Variants in MACROD2 observed in about 807,000 individuals in gnomAD.
MACROD2 encodes the protein ADP-ribose glycohydrolase MACROD2.
Under a neutral mutation model 70.4 loss-of-function variants are expected in MACROD2, and 36 were observed. That is an observed-to-expected ratio of 0.51 (90% CI 0.39 to 0.68). The LOEUF is 0.68. MACROD2 is among the 30% of genes least tolerant of loss of function. The pLI is 0.00. For synonymous variants in MACROD2, 172 were observed against 178.8 expected, an observed-to-expected ratio of 0.96 and a Z score of 0.30; for missense variants, 496 against 538.4, an observed-to-expected ratio of 0.92 and a Z score of 0.78.
intron 5 of MACROD2, among the ~76,000 whole-genome samples, chr20:15,195,489 A>G (rs928567180): frequency 6.6e-6 from 1 of 152,208 alleles, no homozygotes; most frequent in African/African-American, 2.4e-5. Context: ...AAAGTTCAAC[A>G]TGACTGGTCA....
intron 4 of MACROD2, among the ~76,000 whole-genome samples, chr20:14,598,357 A>G (rs78179450): frequency 0.035 from 5,397 of 152,188 alleles, 114 homozygotes; most frequent in African/African-American, 0.047. Flanking sequence ...TCTATCTTTC[A>G]GGTTTTTTAA....
intron 5 of MACROD2, among the ~76,000 whole-genome samples, chr20:15,058,840 G>A (rs922801575): frequency 2.6e-5 from 4 of 152,186 alleles, no homozygotes; most frequent in African/African-American, 9.7e-5. Context: ...GTACCTACAT[G>A]TGAGAGAGTG....
intron 8 of MACROD2, among the ~76,000 whole-genome samples, chr20:15,809,975 T>C (rs2063803794): frequency 6.6e-6 from 1 of 151,124 alleles, no homozygotes; most frequent in Non-Finnish European, 1.5e-5. Flanking sequence ...TAACTCGTCA[T>C]TTAGCATTAG....
At chr20:14,782,651 C>A (rs2072316473) in intron 5 of MACROD2, among the ~76,000 whole-genome samples, 1 of 152,056 alleles carries the variant, frequency 6.6e-6, no homozygotes, top group African/African-American at 2.4e-5. Context: ...TAAAGTGTAT[C>A]CCAGTTTCAG....
chr20:15,852,846 T>G (rs959652518), intron 8 of MACROD2, among the ~76,000 whole-genome samples: 1 of 152,082 alleles, frequency 6.6e-6, no homozygotes, highest in Non-Finnish European at 1.5e-5. Context: ...TCTGTACAAA[T>G]ATTTTTTAAA....
chr20:15,771,332 A>T (rs1357147359), intron 8 of MACROD2, among the ~76,000 whole-genome samples: 2 of 148,120 alleles, frequency 1.4e-5, no homozygotes, highest in Non-Finnish European at 3.0e-5. Flanking sequence ...ACACCACCAC[A>T]CCTGGCTAAT....
chr20:15,568,708 A>C (rs1462514744), intron 8 of MACROD2, among the ~76,000 whole-genome samples: 1 of 152,226 alleles, frequency 6.6e-6, no homozygotes, highest in Admixed American at 6.5e-5. Flanking sequence ...AATATCTCAC[A>C]GGAGATATGT....
At chr20:15,096,917 T>C (rs1269352297) in intron 5 of MACROD2, among the ~76,000 whole-genome samples, 1 of 149,564 alleles carries the variant, frequency 6.7e-6, no homozygotes, top group Non-Finnish European at 1.5e-5. Context: ...GTTCAAGCAA[T>C]TATCTTACCT....
intron 5 of MACROD2, among the ~76,000 whole-genome samples, chr20:14,937,250 T>C (rs530725643): frequency 2.6e-5 from 4 of 151,770 alleles, no homozygotes; most frequent in Admixed American, 2.6e-4. Flanking sequence ...TGGAGGCAGT[T>C]GGTGAAGGCA....
At chr20:14,596,212 A>C in intron 4 of MACROD2, among the ~76,000 whole-genome samples, 1 of 148,644 alleles carries the variant, frequency 6.7e-6, no homozygotes. Context: ...CAGCCTCCCG[A>C]GTAGCTGGGA....
At chr20:14,316,337 C>G (rs116847086) in intron 3 of MACROD2, among the ~76,000 whole-genome samples, 1 of 152,152 alleles carries the variant, frequency 6.6e-6, no homozygotes, top group African/African-American at 2.4e-5. Context: ...CCCCATTAAA[C>G]GTTTTGAGAT....
At chr20:15,159,162 C>CT (rs1263973326) in intron 5 of MACROD2, among the ~76,000 whole-genome samples, 5 of 152,026 alleles carry the variant, frequency 3.3e-5, no homozygotes, top group Non-Finnish European at 7.4e-5. Context: ...CAAAAAAATT[C>CT]TTTTCTAGAA....
chr20:14,264,208 G>A (rs1311161416), intron 3 of MACROD2, among the ~76,000 whole-genome samples: 9 of 152,118 alleles, frequency 5.9e-5, no homozygotes. Flanking sequence ...GACGTACCAG[G>A]AATACATGTC....
At chr20:15,292,485 G>A (rs1338121990) in intron 6 of MACROD2, among the ~76,000 whole-genome samples, 1 of 152,090 alleles carries the variant, frequency 6.6e-6, no homozygotes, top group Non-Finnish European at 1.5e-5. Flanking sequence ...GGGGATTATG[G>A]GAGCTACAAT....
intron 6 of MACROD2, among the ~76,000 whole-genome samples, chr20:15,392,860 C>A (rs1048295712): frequency 5.3e-5 from 8 of 151,274 alleles, no homozygotes; most frequent in Admixed American, 4.0e-4. Flanking sequence ...TTAGTTTCTG[C>A]TTTTTTAAAA....
chr20:14,643,105 T>G (rs1985185230), intron 4 of MACROD2, among the ~76,000 whole-genome samples: 1 of 152,194 alleles, frequency 6.6e-6, no homozygotes, highest in Non-Finnish European at 1.5e-5. Context: ...CAAATAAAAC[T>G]TACATGTTTT....
chr20:15,412,924 C>G (rs1469768600), intron 6 of MACROD2, among the ~76,000 whole-genome samples: 1 of 152,100 alleles, frequency 6.6e-6, no homozygotes, highest in Non-Finnish European at 1.5e-5. Context: ...ATAAAATGTG[C>G]CCAAAGATGG....
At chr20:14,283,865 C>G (rs1247860207) in intron 3 of MACROD2, among the ~76,000 whole-genome samples, 3 of 152,130 alleles carry the variant, frequency 2.0e-5, no homozygotes, top group Non-Finnish European at 4.4e-5. Context: ...GTATCCCAAA[C>G]TTAAAGTGCT....
intron 3 of MACROD2, among the ~76,000 whole-genome samples, chr20:14,357,577 C>A (rs777073324): frequency 3.4e-4 from 52 of 152,282 alleles, no homozygotes; most frequent in Non-Finnish European, 7.1e-4. Context: ...AAAAAAGATT[C>A]TACTCACAAA....
Sources: gnomAD v4.1 joint callset for allele counts (sites outside exome capture counted in the v4.1 genomes callset) on GRCh38, gnomAD v4.1.1 for gene constraint, MANE v1.5 for transcripts, NCBI Gene and HGNC (gene_info 2026-07-23, HGNC 2026-07-21) for gene names.